PHACTR1: variants seen among roughly 807,000 people sequenced by gnomAD.
The protein encoded by PHACTR1 is phosphatase and actin regulator 1.
PHACTR1 carries 16 observed loss-of-function variants against 69.2 expected under a neutral mutation model. That is an observed-to-expected ratio of 0.23 (90% CI 0.16 to 0.35). The LOEUF (loss-of-function observed/expected upper bound fraction) is 0.35. Ranked by LOEUF, PHACTR1 falls within the 10% of genes least tolerant of loss-of-function variation. PHACTR1 has a pLI of 1.00. For missense variants in PHACTR1, 510 were observed against 734.7 expected, an observed-to-expected ratio of 0.69 and a Z score of 3.54; for synonymous variants, 312 against 284.5, an observed-to-expected ratio of 1.10 and a Z score of -0.97.
chr6:13,212,536 T>C lies in PHACTR1; in HGVS notation c.986+6400T>C, dbSNP rs140831362. 5.9e-5 allele frequency among the ~76,000 whole-genome samples: 9 copies of C among 152,328 alleles called. No individual in the cohort carries two copies. In the East Asian group the frequency reaches 1.2e-3, roughly 20 times the overall value. ...GTTTCTCTCTATATTCTGTCTTTAA[T>C]GTGGACAGGAACCATCCTTGTCTCC... On this transcript the variant is annotated intron_variant, in intron 8 of 14. Transcript: ENST00000332995.
At chr6:12,823,881 G>T (rs1406710117) in intron 4 of PHACTR1, among the ~76,000 whole-genome samples, 1 of 152,136 alleles carries the variant, frequency 6.6e-6, no homozygotes. Flanking sequence ...TTTGGGGTGT[G>T]ACCACATATT....
chr6:12,810,043 A>G (rs534419310), intron 4 of PHACTR1, among the ~76,000 whole-genome samples: 1 of 152,138 alleles, frequency 6.6e-6, no homozygotes. Flanking sequence ...AGATAGATCC[A>G]TTGCCTGGAT....
Position 13,071,192 on chromosome 6 carries a change from C to T in PHACTR1, c.415+17663C>T, listed in dbSNP as rs570950469. Among the ~76,000 whole-genome samples the T allele has an allele frequency of 1.6e-3, 241 of 151,892 alleles. 2 individuals carry two copies. Among genetic ancestry groups the T allele is most frequent in the South Asian group, 3.1e-3 (15 of 4,796 alleles). On this transcript the variant is annotated intron_variant, in intron 5 of 14. Transcript: ENST00000332995. ...CTGTAATCCCAGCACTTTGGGAGGT[C>T]GAGGCAAGCAGATCACCTGAGGTCA...
At chr6:12,807,913 T>A (rs1047962190) in intron 4 of PHACTR1, among the ~76,000 whole-genome samples, 1 of 152,152 alleles carries the variant, frequency 6.6e-6, no homozygotes, top group Non-Finnish European at 1.5e-5. Flanking sequence ...CCCAATAAAG[T>A]GTTTTGAATT....
intron 4 of PHACTR1, among the ~76,000 whole-genome samples, chr6:12,809,627 T>C (rs1435465235): frequency 1.3e-5 from 2 of 152,216 alleles, no homozygotes; most frequent in Non-Finnish European, 2.9e-5. Context: ...TCTCCATTTA[T>C]AAAAAATTCT....
intron 4 of PHACTR1, among the ~76,000 whole-genome samples, chr6:12,883,194 A>T (rs1473116217): frequency 5.3e-5 from 8 of 152,144 alleles, no homozygotes; most frequent in African/African-American, 1.9e-4. Flanking sequence ...AGGTATATCA[A>T]AACAAGAATG....
intron 4 of PHACTR1, among the ~76,000 whole-genome samples, chr6:12,801,546 A>G (rs1445495195): frequency 6.6e-6 from 1 of 152,198 alleles, no homozygotes; most frequent in Non-Finnish European, 1.5e-5. Flanking sequence ...CTGATAGACT[A>G]TGACGGGGTA....
chr6:12,882,706 C>G (rs564302135), intron 4 of PHACTR1, among the ~76,000 whole-genome samples: 30 of 152,294 alleles, frequency 2.0e-4, no homozygotes, highest in African/African-American at 6.7e-4. Context: ...GGAGCAAACC[C>G]TATCGCCCTT....
chr6:13,173,929 G>T (rs572859175), intron 6 of PHACTR1, among the ~76,000 whole-genome samples: 3 of 152,130 alleles, frequency 2.0e-5, no homozygotes, highest in African/African-American at 7.2e-5. Context: ...GGATGGTCTC[G>T]ATCTCTTGAC....
At chr6:12,722,827 C>G (rs1046508012) in intron 3 of PHACTR1, among the ~76,000 whole-genome samples, 1 of 152,154 alleles carries the variant, frequency 6.6e-6, no homozygotes, top group African/African-American at 2.4e-5. Context: ...TCTTGATTAA[C>G]TAGTGAGTCG....
In PHACTR1 at chr6:13,207,736, G is replaced by T. The variant is rs16873780; in HGVS notation, c.986+1600G>T. On this transcript the variant is annotated intron_variant, in intron 8 of 14. Transcript: ENST00000332995. ...GAAAGTATGATTATGAGGTGCAAAG[G>T]GTATCTCTGACTGTGAGCTGAATGC... 8.1e-3 allele frequency among the ~76,000 whole-genome samples: 1,230 copies of T among 152,236 alleles called. 15 individuals are homozygous for T. Among genetic ancestry groups the T allele is most frequent in the African/African-American group, 0.027 (1,118 of 41,532 alleles).
At chr6:13,085,062 T>A (rs1241683577) in intron 5 of PHACTR1, among the ~76,000 whole-genome samples, 1 of 152,118 alleles carries the variant, frequency 6.6e-6, no homozygotes, top group Non-Finnish European at 1.5e-5. Flanking sequence ...AAAAGATGGA[T>A]GTTAAAAAGT....
intron 5 of PHACTR1, among the ~76,000 whole-genome samples, chr6:13,151,770 C>T (rs1824346608): frequency 6.6e-6 from 1 of 152,088 alleles, no homozygotes. Flanking sequence ...GAAGGTATGA[C>T]TGTTGCAGGG....
chr6:12,770,501 G>C (rs1769243185), intron 4 of PHACTR1, among the ~76,000 whole-genome samples: 1 of 152,206 alleles, frequency 6.6e-6, no homozygotes, highest in African/African-American at 2.4e-5. Flanking sequence ...ATTTCCCAGG[G>C]ATGAAGCCAT....
intron 4 of PHACTR1, among the ~76,000 whole-genome samples, chr6:12,850,734 G>C (rs1029900167): frequency 1.3e-5 from 2 of 152,158 alleles, no homozygotes; most frequent in Non-Finnish European, 2.9e-5. Flanking sequence ...GCAGTCCTTG[G>C]CATTTCTTGG....
At chr6:13,003,955 ATATATATATG>A (rs1204238550) in intron 4 of PHACTR1, among the ~76,000 whole-genome samples, 1 of 103,474 alleles carries the variant, frequency 9.7e-6, no homozygotes. Context: ...GTATTCCTAT[ATATATATATG>A]TATATATATA....
intron 4 of PHACTR1, among the ~76,000 whole-genome samples, chr6:12,829,986 G>GAA (rs1198618288): frequency 1.4e-5 from 2 of 144,738 alleles, no homozygotes; most frequent in East Asian, 4.0e-4. Context: ...GAGAGAGAGA[G>GAA]AGAGAGAGAG....
At chr6:13,095,373 C>T (rs1197395832) in intron 5 of PHACTR1, among the ~76,000 whole-genome samples, 3 of 152,186 alleles carry the variant, frequency 2.0e-5, no homozygotes, top group Non-Finnish European at 2.9e-5. Context: ...GAGTAAATGG[C>T]AGCCTGCATC....
chr6:13,240,419 GTT>G (rs550725560), intron 10 of PHACTR1, among the ~76,000 whole-genome samples: 1 of 150,732 alleles, frequency 6.6e-6, no homozygotes, highest in African/African-American at 2.5e-5. Context: ...TTCGTTGTGG[GTT>G]TTTTTTTGTT....
Sources: gnomAD v4.1 joint callset for allele counts (sites outside exome capture counted in the v4.1 genomes callset) on GRCh38, gnomAD v4.1.1 for gene constraint, MANE v1.5 for transcripts, NCBI Gene and HGNC (gene_info 2026-07-23, HGNC 2026-07-21) for gene names.